Variants in LRRTM4 observed in about 807,000 individuals in gnomAD.
LRRTM4 encodes the protein leucine rich repeat transmembrane neuronal 4.
LRRTM4 carries 25 observed loss-of-function variants against 47.6 expected under a neutral mutation model. The observed-to-expected ratio is 0.53, with a 90% CI of 0.38 to 0.73. LRRTM4 has a LOEUF of 0.73. Ranked by LOEUF, LRRTM4 falls within the 30% of genes least tolerant of loss-of-function variation. LRRTM4 has a pLI of 0.00. For synonymous variants in LRRTM4, 311 were observed against 269.5 expected (o/e 1.15, Z -1.51); for missense variants, 638 against 713.4 (o/e 0.89, Z 1.20).
At chr2:76,777,677 T>C (rs1209324780) in intron 3 of LRRTM4, among the ~76,000 whole-genome samples, 2 of 151,106 alleles carry the variant, frequency 1.3e-5, no homozygotes, top group African/African-American at 4.9e-5. Context: ...AATGGGGTTT[T>C]CTAGATATAC....
At chr2:77,377,265 G>A (rs1321241073) in intron 3 of LRRTM4, among the ~76,000 whole-genome samples, 1 of 151,676 alleles carries the variant, frequency 6.6e-6, no homozygotes, top group South Asian at 2.1e-4. Context: ...CAAGATCTGG[G>A]CACTGGGCAC....
In LRRTM4 at chr2:77,519,345, C is replaced by T; in HGVS notation, c.524G>A (p.Arg175Lys). 6.2e-7 allele frequency: 1 copy of T among 1,613,440 alleles called. No homozygotes were observed. Among genetic ancestry groups the T allele is most frequent in the African/African-American group, 1.3e-5 (1 of 75,004 alleles). ...AAGATTCCGACAGTCTTGAAAAACTCTTATGGGCACAGTCTTTAGTGAGTT... is the reference window on the plus strand; with the variant it reads ...AAGATTCCGACAGTCTTGAAAAACTTTTATGGGCACAGTCTTTAGTGAGTT... Reference protein sequence around the residue: ...RSNSLKTVPIRVFQDCRNLDF... With the variant: ...RSNSLKTVPIKVFQDCRNLDF... The change falls in exon 3 of 4, where the codon AGA becomes AAA. Residue 175 changes from arginine to lysine, a missense_variant. Physicochemically the swap from Arg to Lys is conservative, Grantham distance 26. Transcript: ENST00000409884. The surrounding 1 kb of genome is among the most constrained non-coding windows in gnomAD (Gnocchi z 4.6).
intron 3 of LRRTM4, among the ~76,000 whole-genome samples, chr2:77,087,175 T>A (rs1488487999): frequency 6.6e-6 from 1 of 152,126 alleles, no homozygotes; most frequent in South Asian, 2.1e-4. Context: ...GGAAACAACC[T>A]CACAGCATCA....
At chr2:76,800,379 C>A (rs1675599915) in intron 3 of LRRTM4, among the ~76,000 whole-genome samples, 1 of 131,222 alleles carries the variant, frequency 7.6e-6, no homozygotes, top group South Asian at 2.8e-4. Context: ...ATAAATGGTG[C>A]TGGGAAAACT....
intron 3 of LRRTM4, among the ~76,000 whole-genome samples, chr2:77,097,738 G>C (rs1364565294): frequency 6.6e-6 from 1 of 151,722 alleles, no homozygotes; most frequent in Non-Finnish European, 1.5e-5. Flanking sequence ...GGAAAAACAT[G>C]TGTGAAAATC....
intron 3 of LRRTM4, among the ~76,000 whole-genome samples, chr2:77,083,822 T>TTC (rs1558569872): frequency 2.5e-5 from 3 of 119,838 alleles, no homozygotes; most frequent in Admixed American, 9.3e-5. Context: ...TTTTTTTTTT[T>TTC]CAGACGGAGT....
intron 3 of LRRTM4, among the ~76,000 whole-genome samples, chr2:77,011,531 TTGTG>T (rs56982328): frequency 0.051 from 7,330 of 143,858 alleles, 250 homozygotes; most frequent in Admixed American, 0.12. Flanking sequence ...GAAGAAGCAT[TTGTG>T]TGTGTGTGTG....
intron 3 of LRRTM4, among the ~76,000 whole-genome samples, chr2:77,349,895 A>T (rs1363044964): frequency 6.6e-6 from 1 of 152,144 alleles, no homozygotes; most frequent in Non-Finnish European, 1.5e-5. Flanking sequence ...ATATAATATT[A>T]TACCCCTATC....
intron 3 of LRRTM4, among the ~76,000 whole-genome samples, chr2:77,144,687 A>C (rs1672209791): frequency 6.6e-6 from 1 of 152,162 alleles, no homozygotes; most frequent in African/African-American, 2.4e-5. Flanking sequence ...ATTAGAAGAG[A>C]GTCATAAATG....
chr2:77,080,330 G>T (rs1432209794), intron 3 of LRRTM4, among the ~76,000 whole-genome samples: 1 of 151,992 alleles, frequency 6.6e-6, no homozygotes, highest in African/African-American at 2.4e-5. Context: ...TTTCCTTTGA[G>T]CACTGTCCTT....
rs188636805 is a variant in LRRTM4, at chr2:76,944,668, C to T, written c.1552-195752G>A. ...GAAAAATTTAAAACTCGTCTGCTCT[C>T]TTCAATTTTTTCCCTAAAAGTATGG... On this transcript the variant is annotated intron_variant, in intron 3 of 3. Coordinates refer to ENST00000409884, the MANE Select transcript of LRRTM4 (RefSeq NM_001134745.3). 2.1e-3 allele frequency among the ~76,000 whole-genome samples: 327 copies of T among 152,122 alleles called. 7 individuals are homozygous for T. The highest frequency in any genetic ancestry group is 7.6e-3 in the African/African-American group (317 of 41,512).
At chr2:77,484,478 G>A (rs1041305064) in intron 3 of LRRTM4, among the ~76,000 whole-genome samples, 2 of 152,146 alleles carry the variant, frequency 1.3e-5, no homozygotes, top group African/African-American at 2.4e-5. Context: ...GCAAAGAGGT[G>A]TCCACAGATT....
intron 3 of LRRTM4, among the ~76,000 whole-genome samples, chr2:76,998,797 C>A (rs577545449): frequency 6.8e-6 from 1 of 147,676 alleles, no homozygotes; most frequent in Non-Finnish European, 1.5e-5. Context: ...TAACATCAGG[C>A]GTACATTGAG....
intron 3 of LRRTM4, among the ~76,000 whole-genome samples, chr2:77,380,819 T>TA: frequency 6.6e-6 from 1 of 151,828 alleles, no homozygotes; most frequent in East Asian, 1.9e-4. Flanking sequence ...GAAAAAGACT[T>TA]ACGGTACACT....
chr2:76,752,955 T>G (rs756975440), intron 3 of LRRTM4, among the ~76,000 whole-genome samples: 6 of 152,188 alleles, frequency 3.9e-5, no homozygotes, highest in Non-Finnish European at 8.8e-5. Context: ...TGACTGCTCA[T>G]TGACTGCATT....
chr2:76,786,729 T>C (rs1343087834), intron 3 of LRRTM4, among the ~76,000 whole-genome samples: 4 of 152,118 alleles, frequency 2.6e-5, no homozygotes, highest in African/African-American at 9.7e-5. Flanking sequence ...TTTGTTTATA[T>C]TGTGTCAACA....
chr2:77,307,641 GATATATCTATATATTATA>G (rs1677323230), intron 3 of LRRTM4, among the ~76,000 whole-genome samples: 1 of 49,094 alleles, frequency 2.0e-5, no homozygotes, highest in African/African-American at 1.9e-4. Flanking sequence ...TAAATATATA[GATATATCTATATATTATA>G]GAAATATAAA....
rs138045873 is a variant in LRRTM4 at position 76,812,223 on chromosome 2, C to T, written c.1552-63307G>A. Among the ~76,000 whole-genome samples the T allele has an allele frequency of 2.4e-3, 370 of 152,156 alleles. 6 individuals are homozygous for T. Among genetic ancestry groups the T allele is most frequent in the African/African-American group, 8.6e-3 (356 of 41,532 alleles). ...TTCCTCCTACCCCATATATCTAATC[C>T]AATTTTCAGATCTAGGATCCATTCT... On this transcript the variant is annotated intron_variant, in intron 3 of 3. Coordinates refer to ENST00000409884, the MANE Select transcript of LRRTM4 (RefSeq NM_001134745.3).
At chr2:77,232,605 G>C (rs1185119866) in intron 3 of LRRTM4, among the ~76,000 whole-genome samples, 1 of 152,116 alleles carries the variant, frequency 6.6e-6, no homozygotes, top group East Asian at 1.9e-4. Flanking sequence ...CTTTGCTCTG[G>C]TTATGAAACA....
Sources: gnomAD v4.1 joint callset for allele counts (sites outside exome capture counted in the v4.1 genomes callset) on GRCh38, gnomAD v4.1.1 for gene constraint, Gnocchi (gnomAD v3.1) non-coding constraint, MANE v1.5 for transcripts, NCBI Gene and HGNC (gene_info 2026-07-23, HGNC 2026-07-21) for gene names.